Variants in KIF6 observed in about 807,000 individuals in gnomAD.
KIF6 encodes kinesin family member 6, also known as kinesin-like protein KIF6.
In KIF6, 106 loss-of-function variants were observed where a neutral mutation model predicts 112.7. The observed-to-expected ratio is 0.94, with a 90% CI of 0.80 to 1.11. KIF6 has a LOEUF of 1.11. Ranked by LOEUF, KIF6 falls within the 50% of genes least tolerant of loss-of-function variation. The pLI is 0.00. For missense variants in KIF6, 929 were observed against 964.0 expected (o/e 0.96, Z 0.48); for synonymous variants, 339 against 339.9 (o/e 1.00, Z 0.03).
intron 10 of KIF6, among the ~76,000 whole-genome samples, chr6:39,560,754 TC>T (rs1487074751): frequency 6.6e-6 from 1 of 152,160 alleles, no homozygotes; most frequent in Non-Finnish European, 1.5e-5. Flanking sequence ...ACCCCACCCT[TC>T]CATCCCAGCT....
At chr6:39,357,717 G>C (rs147164758) in intron 18 of KIF6, among the ~76,000 whole-genome samples, 1 of 152,120 alleles carries the variant, frequency 6.6e-6, no homozygotes, top group African/African-American at 2.4e-5. Context: ...CCAAAGTGCT[G>C]GGATTACAGG....
At chr6:39,620,519 A>G (rs1783754907) in intron 5 of KIF6, 1 of 152,128 alleles carries the variant, frequency 6.6e-6, no homozygotes. Context: ...GAATTTATTT[A>G]CTTTTATTTT....
chr6:39,338,598 C>T (rs761589415), intron 22 of KIF6, among the ~76,000 whole-genome samples: 1 of 152,186 alleles, frequency 6.6e-6, no homozygotes, highest in Non-Finnish European at 1.5e-5. Context: ...AGCTCTGCTA[C>T]ACAACGGAAA....
chr6:39,354,040 G>A (rs897035628), intron 19 of KIF6: 5 of 337,434 alleles, frequency 1.5e-5, no homozygotes, highest in African/African-American at 8.6e-5. Flanking sequence ...GCAATGACCA[G>A]CCTACATAAG....
rs576266080 is a variant in KIF6, at chr6:39,463,026, G to T, written c.1646-31865C>A. Among the ~76,000 whole-genome samples the T allele has an allele frequency of 3.9e-5, 6 of 152,228 alleles. No individual in the cohort carries two copies. The East Asian group carries it at 1.2e-3, about 29-fold the overall frequency. On this transcript the variant is annotated intron_variant, in intron 13 of 22. Transcript: ENST00000287152. Reference sequence around the variant, plus strand: ...AATAGAATGTCTTCAGCCTAACTTTGTTCCATCAACAGCTAAGACAACAGC... The same window carrying T: ...AATAGAATGTCTTCAGCCTAACTTTTTTCCATCAACAGCTAAGACAACAGC...
At chr6:39,596,011 TG>T in intron 7 of KIF6, 42 bp downstream of exon 7, 1 of 1,464,496 alleles carries the variant, frequency 6.8e-7, no homozygotes, top group Non-Finnish European at 9.6e-7. Flanking sequence ...GGTCAACACA[TG>T]GTAGCTATAG....
At chr6:39,638,032 C>T (rs1354201400) in intron 4 of KIF6, among the ~76,000 whole-genome samples, 1 of 151,950 alleles carries the variant, frequency 6.6e-6, no homozygotes, top group Non-Finnish European at 1.5e-5. Flanking sequence ...AAAATATTTT[C>T]CTTTGGGAGA....
rs565919274 is a variant in KIF6, at chr6:39,539,429, C to T, written c.1645+574G>A. Among the ~76,000 whole-genome samples the T allele has an allele frequency of 5.9e-5, 9 of 152,218 alleles. No individual in the cohort carries two copies. In the South Asian group the frequency reaches 1.7e-3, roughly 28 times the overall value. On this transcript the variant is annotated intron_variant, in intron 13 of 22. Transcript: ENST00000287152. Reference sequence around the variant, plus strand: ...CCTGATCTTGGCTCACTGCAACCTCCACCTCTCGGGTTCAAATGATTCTCC... The same window carrying T: ...CCTGATCTTGGCTCACTGCAACCTCTACCTCTCGGGTTCAAATGATTCTCC...
intron 5 of KIF6, among the ~76,000 whole-genome samples, chr6:39,614,315 C>T (rs898401496): frequency 5.3e-5 from 8 of 152,156 alleles, no homozygotes; most frequent in African/African-American, 9.7e-5. Flanking sequence ...TATCTTCACT[C>T]GTTTAAAACA....
chr6:39,432,922 T>TC (rs983964229), intron 13 of KIF6, among the ~76,000 whole-genome samples: 186 of 147,518 alleles, frequency 1.3e-3, no homozygotes, highest in Non-Finnish European at 2.1e-3. Context: ...TCCAAATTGC[T>TC]CCCCCCCGCA....
rs551843800 is a variant in KIF6, at chr6:39,372,041, T to A, written c.1862-9523A>T. On this transcript the variant is annotated intron_variant, in intron 16 of 22. Coordinates refer to ENST00000287152, the MANE Select transcript of KIF6 (RefSeq NM_145027.6). ...GAAGGGAGGGAGTTAGAAAGAGAGATGACTATTTCCCTCTCCTCCTCACAG... is the reference window on the plus strand; with the variant it reads ...GAAGGGAGGGAGTTAGAAAGAGAGAAGACTATTTCCCTCTCCTCCTCACAG... Among the ~76,000 whole-genome samples, 17 of 152,310 alleles carry A rather than the reference T, an allele frequency of 1.1e-4. No individual in the cohort carries two copies. The East Asian group carries it at 2.9e-3, about 26-fold the overall frequency.
At chr6:39,337,172 C>CCTTCTTTCT (rs1554195077) in intron 22 of KIF6, among the ~76,000 whole-genome samples, 1 of 59,504 alleles carries the variant, frequency 1.7e-5, no homozygotes, top group African/African-American at 9.1e-5. Context: ...TCTTTCCTTC[C>CCTTCTTTCT]TTCTTTCTTT....
At chr6:39,553,106 T>C (rs897905554) in intron 10 of KIF6, among the ~76,000 whole-genome samples, 1 of 152,258 alleles carries the variant, frequency 6.6e-6, no homozygotes, top group Non-Finnish European at 1.5e-5. Flanking sequence ...TGCAGTTTCC[T>C]GGTCTGTGAC....
At position 39,362,335 on chromosome 6, in the gene KIF6, C is replaced by T; in HGVS notation, c.1946+99G>A. 2.3e-6 allele frequency: 2 copies of T among 886,816 alleles called. 1 individual carries two copies. Among genetic ancestry groups the T allele is most frequent in the South Asian group, 2.8e-5 (2 of 72,248 alleles). The allele number at this position is 886,816 out of a possible 1,614,324, so 54.9% of individuals were successfully genotyped here. ...GCTGTTCTAGGATCCAGCTGCTGGA[C>T]CCACATCCCTGAGTAGCTGCAGCCC... is the stretch of plus-strand genomic sequence containing the variant. On this transcript the variant is annotated intron_variant, in intron 17 of 22. Transcript: ENST00000287152.
chr6:39,392,920 G>C (rs1203929578), intron 15 of KIF6, among the ~76,000 whole-genome samples: 2 of 152,154 alleles, frequency 1.3e-5, no homozygotes, highest in Non-Finnish European at 2.9e-5. Context: ...ATAAGCCCTT[G>C]GGTTGAAAGT....
intron 3 of KIF6, among the ~76,000 whole-genome samples, chr6:39,646,345 A>G (rs1468538470): frequency 1.3e-5 from 2 of 152,172 alleles, no homozygotes; most frequent in African/African-American, 4.8e-5. Context: ...TAGTAATAGG[A>G]TCATGGATTT....
intron 21 of KIF6, among the ~76,000 whole-genome samples, chr6:39,345,081 T>C (rs771059183): frequency 6.6e-6 from 1 of 152,240 alleles, no homozygotes; most frequent in Non-Finnish European, 1.5e-5. Context: ...CAACTTTCCG[T>C]CCATCCTCAC....
intron 13 of KIF6, among the ~76,000 whole-genome samples, chr6:39,538,534 T>C (rs1356667038): frequency 3.3e-5 from 5 of 152,044 alleles, no homozygotes; most frequent in Admixed American, 3.3e-4. Context: ...CTTACAACAG[T>C]TAGAATGGCC....
At chr6:39,688,728 C>T (rs1214349715) in intron 3 of KIF6, among the ~76,000 whole-genome samples, 1 of 152,090 alleles carries the variant, frequency 6.6e-6, no homozygotes, top group Non-Finnish European at 1.5e-5. Flanking sequence ...TGGGCTTGTG[C>T]AATAAAAACA....
Sources: allele counts gnomAD v4.1 joint callset (sites outside exome capture counted in the v4.1 genomes callset), GRCh38; gene constraint gnomAD v4.1.1; transcripts MANE v1.5; gene names NCBI Gene and HGNC (gene_info 2026-07-23, HGNC 2026-07-21).